Variants in SOX5 observed in about 807,000 individuals in gnomAD.
SOX5 encodes the protein transcription factor SOX-5.
SOX5 carries 9 observed loss-of-function variants against 92.0 expected under a neutral mutation model. The observed-to-expected ratio is 0.10, with a 90% CI of 0.06 to 0.17. SOX5 has a LOEUF of 0.17. SOX5 is among the 10% of genes least tolerant of loss of function. SOX5 has a pLI of 1.00. For synonymous variants in SOX5, 344 were observed against 336.3 expected (o/e 1.02, Z -0.25); for missense variants, 642 against 944.5 (o/e 0.68, Z 4.20).
intron 1 of SOX5, among the ~76,000 whole-genome samples, chr12:24,477,539 G>A (rs576386588): frequency 1.8e-4 from 27 of 152,068 alleles, no homozygotes; most frequent in Admixed American, 5.2e-4. Context: ...ACTGTTAGCC[G>A]TTTTCAGAAA....
intron 1 of SOX5, among the ~76,000 whole-genome samples, chr12:24,424,473 T>G (rs1173944908): frequency 6.6e-6 from 1 of 152,132 alleles, no homozygotes; most frequent in Non-Finnish European, 1.5e-5. Flanking sequence ...CATATACTAG[T>G]GTTTAAACAA....
chr12:24,202,304 T>A (rs971707780), intron 4 of SOX5, among the ~76,000 whole-genome samples: 1 of 152,194 alleles, frequency 6.6e-6, no homozygotes, highest in South Asian at 2.1e-4. Context: ...AATACATACA[T>A]ACATTTTATT....
rs553310947 is a variant in SOX5 at position 24,532,001 on chromosome 12, A to G, written c.-251+30328T>C. On this transcript the variant is annotated intron_variant, in intron 1 of 4. Transcript: ENST00000446891. ...AGACCAACTATTTAAATTGACAATAAAAGTTGGACAAAATGGTCAACTTTG... is the reference window on the plus strand; with the variant it reads ...AGACCAACTATTTAAATTGACAATAGAAGTTGGACAAAATGGTCAACTTTG... Among the ~76,000 whole-genome samples, 38 of 152,336 alleles carry G rather than the reference A, an allele frequency of 2.5e-4. No individual in the cohort carries two copies. In the South Asian group the frequency reaches 7.9e-3, roughly 32 times the overall value.
At chr12:24,306,450 G>T (rs1003370917) in intron 2 of SOX5, among the ~76,000 whole-genome samples, 1 of 152,216 alleles carries the variant, frequency 6.6e-6, no homozygotes, top group Non-Finnish European at 1.5e-5. Context: ...AGCAGAGAGC[G>T]CTCTGGCCAC....
At chr12:24,416,244 C>G (rs1413905961) in intron 1 of SOX5, among the ~76,000 whole-genome samples, 3 of 152,226 alleles carry the variant, frequency 2.0e-5, no homozygotes, top group Non-Finnish European at 4.4e-5. Flanking sequence ...TCTGCATCCA[C>G]AGCTCGGTCA....
At chr12:23,665,416 T>A (rs1159517094) in intron 7 of SOX5, 28 bp downstream of exon 7, 1 of 1,612,378 alleles carries the variant, frequency 6.2e-7, no homozygotes, top group Non-Finnish European at 8.5e-7. Context: ...CTCCACCCAC[T>A]CCCAGATGAA....
At chr12:24,175,573 T>C (rs569031580) in intron 4 of SOX5, among the ~76,000 whole-genome samples, 1 of 152,372 alleles carries the variant, frequency 6.6e-6, no homozygotes, top group African/African-American at 2.4e-5. Flanking sequence ...ACTTATAATC[T>C]ATAAAATAGA....
chr12:24,059,677 C>T (rs1939290411), intron 4 of SOX5, among the ~76,000 whole-genome samples: 1 of 152,136 alleles, frequency 6.6e-6, no homozygotes, highest in Admixed American at 6.5e-5. Flanking sequence ...TGGATTCACT[C>T]CAAGTTTGAG....
At chr12:23,839,481 A>T (rs907196829) in intron 3 of SOX5, among the ~76,000 whole-genome samples, 4 of 152,128 alleles carry the variant, frequency 2.6e-5, no homozygotes, top group Admixed American at 1.3e-4. Flanking sequence ...TGAGAGGGAA[A>T]CACTTCCTAA....
chr12:23,754,763 G>A (rs570746583), intron 4 of SOX5, among the ~76,000 whole-genome samples: 3 of 151,548 alleles, frequency 2.0e-5, no homozygotes, highest in Non-Finnish European at 4.4e-5. Flanking sequence ...ACACTTGCAC[G>A]GACACACATA....
At chr12:24,194,688 T>C (rs912811650) in intron 4 of SOX5, among the ~76,000 whole-genome samples, 5 of 152,118 alleles carry the variant, frequency 3.3e-5, no homozygotes, top group African/African-American at 1.2e-4. Flanking sequence ...TCCCACCTAC[T>C]GTATAAGCAA....
At chr12:23,640,954 T>A in intron 7 of SOX5, 57 bp from the exon 8 acceptor site, 1 of 1,161,488 alleles carries the variant, frequency 8.6e-7, no homozygotes, top group Non-Finnish European at 1.3e-6. Flanking sequence ...CACCTGCAAA[T>A]TAAACTCATG....
intron 2 of SOX5, among the ~76,000 whole-genome samples, chr12:24,342,542 G>T (rs1347747437): frequency 6.6e-6 from 1 of 152,092 alleles, no homozygotes; most frequent in Non-Finnish European, 1.5e-5. Context: ...ATAATCCTAT[G>T]ATCTCCCCTT....
intron 2 of SOX5, among the ~76,000 whole-genome samples, chr12:24,289,744 C>T (rs55964340): frequency 7.9e-6 from 1 of 126,760 alleles, no homozygotes; most frequent in Non-Finnish European, 1.5e-5. Flanking sequence ...CGTGAGCCAC[C>T]GCGCCCGGCC....
chr12:24,301,113 A>G (rs1595361977), intron 2 of SOX5, among the ~76,000 whole-genome samples: 1 of 152,196 alleles, frequency 6.6e-6, no homozygotes, highest in Non-Finnish European at 1.5e-5. Context: ...CGGAAGACCC[A>G]GGGACAAGCA....
chr12:24,140,354 A>T (rs886197507), intron 4 of SOX5, among the ~76,000 whole-genome samples: 3 of 152,178 alleles, frequency 2.0e-5, no homozygotes, highest in Non-Finnish European at 2.9e-5. Flanking sequence ...TAAAGGCATG[A>T]TGAGTGATGT....
chr12:23,657,992 G>A (rs1413150215), intron 7 of SOX5, among the ~76,000 whole-genome samples: 1 of 152,130 alleles, frequency 6.6e-6, no homozygotes, highest in Non-Finnish European at 1.5e-5. Flanking sequence ...AAGAGTCTTT[G>A]CTTTTTTGTT....
chr12:23,917,097 G>C (rs1023355532), intron 1 of SOX5, among the ~76,000 whole-genome samples: 1 of 152,086 alleles, frequency 6.6e-6, no homozygotes, highest in Non-Finnish European at 1.5e-5. Context: ...GGTCTACTAT[G>C]TACCAGGTGC....
upstream of SOX5, among the ~76,000 whole-genome samples, chr12:23,950,309 T>C (rs924688738): frequency 1.3e-5 from 2 of 151,694 alleles, no homozygotes; most frequent in African/African-American, 2.4e-5. Flanking sequence ...TCAGGCATTG[T>C]TCTGAGGGAA....
Sources: allele counts gnomAD v4.1 joint callset (sites outside exome capture counted in the v4.1 genomes callset), GRCh38; gene constraint gnomAD v4.1.1; transcripts MANE v1.5; gene names NCBI Gene and HGNC (gene_info 2026-07-23, HGNC 2026-07-21).